The following SLC4A4 variants were observed in gnomAD, a reference collection of about 807,000 sequenced individuals.
SLC4A4 encodes the protein electrogenic sodium bicarbonate cotransporter 1.
SLC4A4 carries 27 observed loss-of-function variants against 111.5 expected under a neutral mutation model. That is an observed-to-expected ratio of 0.24 (90% CI 0.18 to 0.33). The LOEUF (loss-of-function observed/expected upper bound fraction) is 0.33. SLC4A4 is among the 10% of genes least tolerant of loss of function. The pLI is 1.00. For synonymous variants in SLC4A4, 443 were observed against 463.4 expected (o/e 0.96, Z 0.57); for missense variants, 909 against 1,315.5 (o/e 0.69, Z 4.78).
At chr4:71,271,053 T>C (rs1301933887) in intron 3 of SLC4A4, among the ~76,000 whole-genome samples, 1 of 152,188 alleles carries the variant, frequency 6.6e-6, no homozygotes, top group Non-Finnish European at 1.5e-5. Flanking sequence ...TGCCCACCAC[T>C]ACACATCTTT....
intron 2 of SLC4A4, among the ~76,000 whole-genome samples, chr4:71,093,272 A>G (rs1742438293): frequency 6.7e-6 from 1 of 149,466 alleles, no homozygotes; most frequent in African/African-American, 2.5e-5. Flanking sequence ...GGTTCAAGCA[A>G]TTCTCCTGCC....
intron 2 of SLC4A4, among the ~76,000 whole-genome samples, chr4:71,150,008 G>A (rs1251392026): frequency 3.3e-5 from 5 of 151,898 alleles, no homozygotes; most frequent in South Asian, 2.1e-4. Context: ...AAGGGTACAC[G>A]ATTAGGTTTT....
chr4:71,234,430 CTT>C (rs1244172401), intron 1 of SLC4A4, among the ~76,000 whole-genome samples: 1 of 152,098 alleles, frequency 6.6e-6, no homozygotes, highest in Non-Finnish European at 1.5e-5. Context: ...CTTCTTAAGT[CTT>C]TTCTTTTTTT....
chr4:71,107,069 T>C (rs1742951118), intron 2 of SLC4A4, among the ~76,000 whole-genome samples: 1 of 152,056 alleles, frequency 6.6e-6, no homozygotes, highest in African/African-American at 2.4e-5. Flanking sequence ...TGGAATATTT[T>C]TTTTATCCTT....
At chr4:71,254,125 A>G (rs1186945784) in intron 2 of SLC4A4, among the ~76,000 whole-genome samples, 1 of 152,176 alleles carries the variant, frequency 6.6e-6, no homozygotes, top group East Asian at 1.9e-4. Context: ...CAAAGTTGTC[A>G]TCAAGGAATA....
intron 16 of SLC4A4, among the ~76,000 whole-genome samples, chr4:71,527,472 A>G (rs1216937992): frequency 6.6e-6 from 1 of 152,060 alleles, no homozygotes; most frequent in African/African-American, 2.4e-5. Flanking sequence ...CTATTCAAAG[A>G]GCAGGTTTAG....
chr4:71,455,104 T>G (rs1726110013), intron 12 of SLC4A4, among the ~76,000 whole-genome samples: 1 of 152,230 alleles, frequency 6.6e-6, no homozygotes, highest in Non-Finnish European at 1.5e-5. Context: ...TTTTCCCACA[T>G]AAATGTGTAC....
chr4:71,413,982 A>G (rs545513202), intron 7 of SLC4A4, among the ~76,000 whole-genome samples: 62 of 152,142 alleles, frequency 4.1e-4, no homozygotes, highest in Non-Finnish European at 8.1e-4. Context: ...TCAAAGCCTC[A>G]CAGAGTAACA....
rs143526546 is a variant in SLC4A4, at chr4:71,369,560, A to G, written c.730+12373A>G. 1.3e-3 allele frequency among the ~76,000 whole-genome samples: 204 copies of G among 152,332 alleles called. 3 individuals carry two copies. The highest frequency in any genetic ancestry group is 1.2e-3 in the East Asian group (6 of 5,176). On this transcript the variant is annotated intron_variant, in intron 6 of 25. Coordinates refer to ENST00000264485, the MANE Select transcript of SLC4A4 (RefSeq NM_001098484.3). ...GTTTGAAAGCATTCAAGTGCTAAGT[A>G]AGAGGAAGAGCTTACTAAGTTAATA...
intron 1 of SLC4A4, among the ~76,000 whole-genome samples, 191 bp downstream of exon 1, chr4:71,187,592 G>A (rs898086993): frequency 6.6e-5 from 10 of 152,200 alleles, no homozygotes; most frequent in African/African-American, 1.4e-4. Context: ...TGTGGAGGCT[G>A]CTTCCGCGGA....
chr4:71,300,659 G>T, intron 3 of SLC4A4: 1 of 380,566 alleles, frequency 2.6e-6, no homozygotes, highest in Non-Finnish European at 5.3e-6. Flanking sequence ...AGGCAGTCCA[G>T]GATGAGGAGC....
upstream of SLC4A4, among the ~76,000 whole-genome samples, chr4:71,186,483 AC>A (rs917689610): frequency 1.3e-5 from 2 of 152,116 alleles, no homozygotes; most frequent in Non-Finnish European, 2.9e-5. Context: ...TGGACCTAGG[AC>A]CCAGCCCAGG....
At chr4:71,443,116 CTATATATATATATATATA>C (rs1168996571) in intron 8 of SLC4A4, among the ~76,000 whole-genome samples, 3 of 65,658 alleles carry the variant, frequency 4.6e-5, no homozygotes, top group African/African-American at 1.7e-4. Context: ...CTCTCTCTCT[CTATATATATATATATATA>C]TATATATATA....
chr4:71,497,246 T>C (rs1272847652), intron 15 of SLC4A4, among the ~76,000 whole-genome samples: 1 of 152,160 alleles, frequency 6.6e-6, no homozygotes, highest in Non-Finnish European at 1.5e-5. Flanking sequence ...ATTGAACAAG[T>C]GGGCGATTTT....
chr4:71,169,902 C>T (rs1264782093), intron 2 of SLC4A4, among the ~76,000 whole-genome samples: 1 of 152,164 alleles, frequency 6.6e-6, no homozygotes, highest in African/African-American at 2.4e-5. Flanking sequence ...ACTTACAAAA[C>T]CCTGCAAGAT....
intron 7 of SLC4A4, among the ~76,000 whole-genome samples, chr4:71,416,259 C>G (rs1032119228): frequency 6.6e-6 from 1 of 152,184 alleles, no homozygotes; most frequent in Non-Finnish European, 1.5e-5. Flanking sequence ...TGTTCCAAAA[C>G]CCCCAGTGGA....
intron 2 of SLC4A4, among the ~76,000 whole-genome samples, chr4:71,237,069 G>T (rs969433719): frequency 1.4e-4 from 22 of 152,222 alleles, no homozygotes; most frequent in Admixed American, 1.3e-3. Flanking sequence ...GAAGGATAAT[G>T]ATACCATTGT....
intron 16 of SLC4A4, among the ~76,000 whole-genome samples, chr4:71,523,168 A>C (rs1733111418): frequency 6.8e-6 from 1 of 146,428 alleles, no homozygotes; most frequent in Non-Finnish European, 1.5e-5. Context: ...AATAATGGGC[A>C]TGTATTATAT....
chr4:71,080,528 T>C (rs1244840263), intron 1 of SLC4A4, among the ~76,000 whole-genome samples: 2 of 152,128 alleles, frequency 1.3e-5, no homozygotes, highest in Admixed American at 6.5e-5. Context: ...GCCATAAATG[T>C]TGCTGGACAA....
Sources: gnomAD v4.1 joint callset for allele counts (sites outside exome capture counted in the v4.1 genomes callset) on GRCh38, gnomAD v4.1.1 for gene constraint, MANE v1.5 for transcripts, NCBI Gene and HGNC (gene_info 2026-07-23, HGNC 2026-07-21) for gene names.